Variants in ELAPOR2 observed in about 807,000 individuals in gnomAD.
The protein encoded by ELAPOR2 is endosome/lysosome-associated apoptosis and autophagy regulator family member 2.
In ELAPOR2, 89 loss-of-function variants were observed where a neutral mutation model predicts 120.7. The ratio of observed to expected loss-of-function variants is 0.74; its 90% CI spans 0.62 to 0.88. ELAPOR2 has a LOEUF of 0.88. ELAPOR2 is among the 40% of genes least tolerant of loss of function. The pLI is 0.00. For synonymous variants in ELAPOR2, 444 were observed against 444.9 expected, an observed-to-expected ratio of 1.00 and a Z score of 0.03; for missense variants, 1,134 against 1,251.6, an observed-to-expected ratio of 0.91 and a Z score of 1.42.
In ELAPOR2 at chr7:86,909,823, T is replaced by C. The variant is rs766153702; in HGVS notation, c.2348A>G (p.Asp783Gly). Residue 783 changes from aspartate to glycine, a missense_variant, in exon 16 of 22, where the codon GAT becomes GGT. By Grantham distance (94) the Asp-to-Gly change is moderately conservative. This residue lies in a region of ELAPOR2 where 831 missense variants were observed against 867.6 expected (regional missense o/e 0.96). Transcript: ENST00000450689. ...CAAAGGAAGCTTACCTATGAATGTA[T>C]CTGCCAGAATGATGGATTGTGATGA... ...ALSSQSIILA[D>G]TFIGVTVETT... 3 of 1,609,432 alleles carry C rather than the reference T, an allele frequency of 1.9e-6. No individual in the cohort carries two copies. The South Asian group carries it at 3.3e-5, about 18-fold the overall frequency.
At chr7:87,023,545 C>T (rs1016346480) in intron 1 of ELAPOR2, among the ~76,000 whole-genome samples, 6 of 152,140 alleles carry the variant, frequency 3.9e-5, no homozygotes, top group African/African-American at 1.2e-4. Flanking sequence ...CTTGGCAATG[C>T]GGGCTCTTTT....
At chr7:87,013,481 A>G (rs927790675) in intron 1 of ELAPOR2, among the ~76,000 whole-genome samples, 17 of 152,192 alleles carry the variant, frequency 1.1e-4, no homozygotes, top group African/African-American at 3.9e-4. Flanking sequence ...AACATGAGAC[A>G]GCAGATTAGG....
chr7:87,029,125 T>C (rs1356875613), intron 1 of ELAPOR2, among the ~76,000 whole-genome samples: 3 of 152,230 alleles, frequency 2.0e-5, no homozygotes, highest in African/African-American at 7.2e-5. Context: ...TCTCATGTAT[T>C]TGTATAATGT....
At chr7:86,920,149 T>C (rs1789760914) in intron 10 of ELAPOR2, among the ~76,000 whole-genome samples, 1 of 152,172 alleles carries the variant, frequency 6.6e-6, no homozygotes, top group Non-Finnish European at 1.5e-5. Flanking sequence ...TTGGCGATTT[T>C]TGAAATGTTA....
chr7:86,931,380 A>G (rs993965050), intron 8 of ELAPOR2, among the ~76,000 whole-genome samples: 1 of 151,978 alleles, frequency 6.6e-6, no homozygotes, highest in African/African-American at 2.4e-5. Context: ...CAAAGGAAAG[A>G]TATCAAATCT....
At chr7:86,989,312 TTTAGAGA>T in intron 1 of ELAPOR2, among the ~76,000 whole-genome samples, 1 of 152,324 alleles carries the variant, frequency 6.6e-6, no homozygotes, top group Non-Finnish European at 1.5e-5. Flanking sequence ...TACGTGCATA[TTTAGAGA>T]TTAGAGATTC....
At chr7:86,908,376 G>T (rs1040201698) in intron 17 of ELAPOR2, 71 bp downstream of exon 17, 2 of 766,746 alleles carry the variant, frequency 2.6e-6, no homozygotes, top group Non-Finnish European at 4.4e-6. Context: ...AAATATATGA[G>T]TATTGGTGTT....
chr7:87,045,580 G>A (rs1247925381), intron 1 of ELAPOR2, among the ~76,000 whole-genome samples: 3 of 149,842 alleles, frequency 2.0e-5, no homozygotes, highest in Admixed American at 2.0e-4. Context: ...GACACAGGAA[G>A]GGGAATATCA....
At chr7:86,962,613 C>T (rs1354403388) in intron 2 of ELAPOR2, among the ~76,000 whole-genome samples, 1 of 152,136 alleles carries the variant, frequency 6.6e-6, no homozygotes, top group Non-Finnish European at 1.5e-5. Context: ...GAATCCTAGA[C>T]CTGCCGCATC....
At chr7:87,043,064 G>T (rs985567072) in intron 1 of ELAPOR2, among the ~76,000 whole-genome samples, 109 of 152,130 alleles carry the variant, frequency 7.2e-4, no homozygotes, top group African/African-American at 2.3e-3. Context: ...AAACCAGGAA[G>T]AAGTTGAATC....
intron 20 of ELAPOR2, among the ~76,000 whole-genome samples, chr7:86,892,680 C>G (rs1161621879): frequency 6.6e-6 from 1 of 151,996 alleles, no homozygotes; most frequent in Admixed American, 6.6e-5. Flanking sequence ...CTCTTGTTTT[C>G]CTTGTTTTCT....
chr7:87,002,656 T>C (rs1222605011), intron 1 of ELAPOR2, among the ~76,000 whole-genome samples: 2 of 152,040 alleles, frequency 1.3e-5, no homozygotes, highest in African/African-American at 4.8e-5. Flanking sequence ...CTCACTTCAT[T>C]GGGGGTAGAG....
At chr7:86,941,995 G>C in intron 5 of ELAPOR2, 23 bp downstream of exon 5, 2 of 1,452,712 alleles carry the variant, frequency 1.4e-6, no homozygotes, top group Non-Finnish European at 1.9e-6. Context: ...TGGCAAAGAA[G>C]AAGGAAATAC....
rs939585756 is a variant in ELAPOR2 at position 86,893,088 on chromosome 7, C to A, written c.2698G>T (p.Val900Leu). 1.3e-6 allele frequency: 2 copies of A among 1,536,338 alleles called. No individual in the cohort carries two copies. Among genetic ancestry groups the A allele is most frequent in the African/African-American group, 1.5e-5 (1 of 68,814 alleles). Residue 900 changes from valine (V) to leucine (L), a missense_variant, in exon 20 of 22, where the codon GTG (valine) becomes TTG (leucine). Val to Leu is a conservative substitution (Grantham distance 32). This residue lies in a region of ELAPOR2 where 831 missense variants were observed against 867.6 expected (regional missense o/e 0.96). Coordinates refer to ENST00000450689, the MANE Select transcript of ELAPOR2 (RefSeq NM_001142749.3). The stretch of plus-strand genomic sequence containing the variant: ...ATGCACCATTTAGGTTCATTCCACA[C>A]ATACAAGGTTTCCTTTAAAAAAAAA... ...CKRGFQETLYVWNEPKWCIKG... is the reference protein window; with the variant it reads ...CKRGFQETLYLWNEPKWCIKG...
At chr7:87,000,473 G>A (rs550793628) in intron 1 of ELAPOR2, among the ~76,000 whole-genome samples, 1 of 152,164 alleles carries the variant, frequency 6.6e-6, no homozygotes, top group East Asian at 1.9e-4. Flanking sequence ...TTATCCTCTG[G>A]CCCAGACTCT....
At chr7:86,900,039 C>G (rs1328915974) in intron 18 of ELAPOR2, among the ~76,000 whole-genome samples, 1 of 151,798 alleles carries the variant, frequency 6.6e-6, no homozygotes, top group Admixed American at 6.6e-5. Context: ...AAAAAATATC[C>G]AAGAATACAA....
chr7:87,021,419 T>C (rs1794037141), intron 1 of ELAPOR2, among the ~76,000 whole-genome samples: 1 of 152,150 alleles, frequency 6.6e-6, no homozygotes, highest in African/African-American at 2.4e-5. Context: ...CTCTTCCATG[T>C]AAATAAATAT....
chr7:86,897,493 GTT>G lies in ELAPOR2; in HGVS notation c.2685+11_2685+12del. The G allele has an allele frequency of 6.2e-7, 1 of 1,611,330 alleles. No individual in the cohort carries two copies. The highest frequency in any genetic ancestry group is 1.3e-5 in the African/African-American group (1 of 74,886). On this transcript the variant is annotated intron_variant, in intron 19 of 21. Coordinates refer to ENST00000450689, the MANE Select transcript of ELAPOR2 (RefSeq NM_001142749.3). ...ATAATGCCGAAGCTCTGCCTTGAGA[GTT>G]TATCCCTTACCTGAAATCCTCTCTT...
intron 9 of ELAPOR2, 29 bp downstream of exon 9, chr7:86,926,706 GC>G: frequency 6.4e-7 from 1 of 1,555,560 alleles, no homozygotes; most frequent in Non-Finnish European, 8.7e-7. Flanking sequence ...TTTGCTAAAG[GC>G]CCAGTTATTG....
Sources: gnomAD v4.1 joint callset for allele counts (sites outside exome capture counted in the v4.1 genomes callset) on GRCh38, gnomAD v4.1.1 for gene constraint, gnomAD v4.1.1 regional missense constraint, MANE v1.5 for transcripts, NCBI Gene and HGNC (gene_info 2026-07-23, HGNC 2026-07-21) for gene names.